Variants in PDS5B observed in about 807,000 individuals in gnomAD.
PDS5B encodes the protein PDS5 cohesin associated factor B.
A neutral mutation model predicts 184.1 loss-of-function variants in PDS5B; 51 were observed. The observed-to-expected ratio is 0.28, with a 90% confidence interval of 0.22 to 0.35. PDS5B has a LOEUF of 0.35. Ranked by LOEUF, PDS5B falls within the 10% of genes least tolerant of loss-of-function variation. The pLI, the probability that PDS5B is intolerant of heterozygous loss-of-function variation, is 1.00. For missense variants in PDS5B, 1,180 were observed against 1,723.3 expected (o/e 0.68, Z 5.58); for synonymous variants, 566 against 569.2 (o/e 0.99, Z 0.08).
At position 32,741,116 on chromosome 13, in the gene PDS5B, G is replaced by T; in HGVS notation, c.2443G>T (p.Asp815Tyr). The T allele has an allele frequency of 6.3e-7, 1 of 1,577,544 alleles. No homozygotes were observed. ...AAAGACAACTAAACTTTGGGTTCCA[G>T]ATGAAGAAGTATCTCCTGAGACAAT... is the stretch of plus-strand genomic sequence containing the variant. Reference protein sequence around the residue: ...GKKTTKLWVPDEEVSPETMVK... With the variant: ...GKKTTKLWVPYEEVSPETMVK... The change falls in exon 22 of 35, where the codon GAT becomes TAT. Residue 815 changes from aspartate to tyrosine, a missense_variant. This residue lies in a region of PDS5B where 475 missense variants were observed against 691.5 expected (regional missense o/e 0.69). Transcript: ENST00000315596.
intron 1 of PDS5B, among the ~76,000 whole-genome samples, chr13:32,597,579 A>C (rs951975534): frequency 6.8e-6 from 1 of 148,044 alleles, no homozygotes; most frequent in Admixed American, 6.8e-5. Context: ...TAATCCGAGC[A>C]CTTTGGGAGG....
At chr13:32,765,763 G>T (rs559816449) in intron 31 of PDS5B, among the ~76,000 whole-genome samples, 167 of 152,202 alleles carry the variant, frequency 1.1e-3, no homozygotes, top group Non-Finnish European at 3.8e-4. Context: ...GCCAGCATGC[G>T]TAGCCAATTT....
chr13:32,716,830 T>C (rs1288789249), intron 19 of PDS5B, among the ~76,000 whole-genome samples: 1 of 69,008 alleles, frequency 1.4e-5, no homozygotes, highest in Non-Finnish European at 3.9e-5. Context: ...CCGCCCTGTC[T>C]GGGAGGGAGG....
chr13:32,674,029 G>A (rs923261137), intron 8 of PDS5B, among the ~76,000 whole-genome samples: 1 of 151,952 alleles, frequency 6.6e-6, no homozygotes, highest in Non-Finnish European at 1.5e-5. Flanking sequence ...TGGCCAGGCT[G>A]ATTTCAAACT....
chr13:32,685,222 C>T (rs1951351710), intron 11 of PDS5B, among the ~76,000 whole-genome samples: 1 of 152,130 alleles, frequency 6.6e-6, no homozygotes, highest in Admixed American at 6.5e-5. Flanking sequence ...CATGGTTTTC[C>T]CTTCAAATCT....
intron 19 of PDS5B, among the ~76,000 whole-genome samples, chr13:32,722,184 G>A (rs1430538573): frequency 6.6e-6 from 1 of 152,192 alleles, no homozygotes; most frequent in Non-Finnish European, 1.5e-5. Flanking sequence ...GCGAAACCCC[G>A]TCTCCACCAA....
intron 1 of PDS5B, among the ~76,000 whole-genome samples, chr13:32,611,924 T>C (rs1484627002): frequency 1.3e-5 from 2 of 152,208 alleles, no homozygotes; most frequent in Non-Finnish European, 2.9e-5. Flanking sequence ...GCAGAATCTT[T>C]ACTTTTCAAC....
intron 24 of PDS5B, among the ~76,000 whole-genome samples, chr13:32,749,014 C>T (rs967277744): frequency 2.0e-5 from 3 of 152,030 alleles, no homozygotes; most frequent in Admixed American, 6.6e-5. Context: ...CAGTTATGAT[C>T]ATGTCATTCC....
chr13:32,587,594 C>T (rs1378671356), intron 1 of PDS5B, among the ~76,000 whole-genome samples: 3 of 152,192 alleles, frequency 2.0e-5, no homozygotes, highest in African/African-American at 4.8e-5. Context: ...AAACCAGAAA[C>T]GCCGCCCCTC....
In PDS5B at chr13:32,768,492, G is replaced by A. The variant is rs1025543576; in HGVS notation, c.3625-1629G>A. Among the ~76,000 whole-genome samples, 2 of 152,006 alleles carry A rather than the reference G, an allele frequency of 1.3e-5. 1 individual carries two copies. Among genetic ancestry groups the A allele is most frequent in the Admixed American group, 1.3e-4 (2 of 15,254 alleles). On this transcript the variant is annotated intron_variant, in intron 31 of 34. Coordinates refer to ENST00000315596, the MANE Select transcript of PDS5B (RefSeq NM_015032.4). ...GGTGGGGGCCACAATTCAGTCCAAA[G>A]CAAGTAAGAAATAACACTTAAAGGA...
chr13:32,775,764 G>A lies in PDS5B; in HGVS notation c.*712G>A. 1 of 389,388 alleles carries A rather than the reference G, an allele frequency of 2.6e-6. No individual in the cohort carries two copies. The highest frequency in any genetic ancestry group is 1.9e-5 in the South Asian group (1 of 52,332). 24.1% of individuals were successfully genotyped at this position (389,388 alleles called of 1,614,324 possible). ...GAATTTTCTGGCCTTTCATGGCAAT[G>A]AAAATTTTAAGAAGAAAGATTTAAA... On this transcript the variant is annotated 3_prime_UTR_variant, in exon 35 of 35. Transcript: ENST00000315596.
intron 8 of PDS5B, among the ~76,000 whole-genome samples, chr13:32,673,645 A>C (rs1054445320): frequency 1.3e-5 from 2 of 152,186 alleles, no homozygotes; most frequent in Admixed American, 1.3e-4. Context: ...TTAGCTGTAC[A>C]TCAAGCTTAT....
chr13:32,660,183 C>G (rs1950606653), intron 6 of PDS5B, among the ~76,000 whole-genome samples: 1 of 152,188 alleles, frequency 6.6e-6, no homozygotes, highest in Non-Finnish European at 1.5e-5. Flanking sequence ...TGACTCTACC[C>G]AGCCCAGCCT....
intron 13 of PDS5B, chr13:32,690,610 A>C (rs1000539711): frequency 1.3e-5 from 2 of 152,186 alleles, no homozygotes; most frequent in Non-Finnish European, 2.9e-5. Flanking sequence ...GAAAACAAGA[A>C]AAATAACAAT....
At chr13:32,609,457 T>C (rs534039539) in intron 1 of PDS5B, among the ~76,000 whole-genome samples, 2 of 152,326 alleles carry the variant, frequency 1.3e-5, no homozygotes, top group South Asian at 4.1e-4. Flanking sequence ...TGCCATTCCA[T>C]GTTCCCTCTG....
chr13:32,707,348 A>AT (rs541250731), intron 18 of PDS5B, among the ~76,000 whole-genome samples: 23 of 150,688 alleles, frequency 1.5e-4, no homozygotes, highest in African/African-American at 4.4e-4. Context: ...TAAAACTCTT[A>AT]TTTTTTTTTG....
At chr13:32,627,615 G>A (rs1332191590) in intron 1 of PDS5B, among the ~76,000 whole-genome samples, 1 of 151,830 alleles carries the variant, frequency 6.6e-6, no homozygotes, top group East Asian at 1.9e-4. Context: ...GAAAATGAAG[G>A]AAAAAAGAGA....
intron 1 of PDS5B, among the ~76,000 whole-genome samples, chr13:32,626,511 G>A (rs963445090): frequency 2.0e-5 from 3 of 152,066 alleles, no homozygotes; most frequent in Admixed American, 2.0e-4. Context: ...AATTATTGTA[G>A]TCAGTCTTTA....
chr13:32,652,092 G>A, intron 3 of PDS5B, 85 bp downstream of exon 3: 1 of 861,446 alleles, frequency 1.2e-6, no homozygotes, highest in South Asian at 1.5e-5. Flanking sequence ...GTATTTAGAT[G>A]ATTTCCTTGG....
Sources: gnomAD v4.1 joint callset for allele counts (sites outside exome capture counted in the v4.1 genomes callset) on GRCh38, gnomAD v4.1.1 for gene constraint, gnomAD v4.1.1 regional missense constraint, MANE v1.5 for transcripts, NCBI Gene and HGNC (gene_info 2026-07-23, HGNC 2026-07-21) for gene names.